Variants in PPFIBP2 observed in about 807,000 individuals in gnomAD.
PPFIBP2 encodes the protein PPFIB scaffold protein 2, also known as liprin-beta-2.
PPFIBP2 carries 118 observed loss-of-function variants against 118.3 expected under a neutral mutation model. That is an observed-to-expected ratio of 1.00 (90% confidence interval 0.86 to 1.16). PPFIBP2 has a LOEUF of 1.16. Ranked by LOEUF, PPFIBP2 falls within the 50% of genes most tolerant of loss-of-function variation. PPFIBP2 has a pLI of 0.00. For missense variants in PPFIBP2, 1,195 were observed against 1,073.1 expected (o/e 1.11, Z -1.59); for synonymous variants, 414 against 397.4 (o/e 1.04, Z -0.50).
intron 1 of PPFIBP2, among the ~76,000 whole-genome samples, chr11:7,519,028 T>G (rs577075077): frequency 1.3e-5 from 2 of 151,978 alleles, no homozygotes; most frequent in South Asian, 4.2e-4. Flanking sequence ...GGAAGGAGAA[T>G]GAGTACAGGC....
At chr11:7,584,648 T>C (rs1436536347) in intron 3 of PPFIBP2, among the ~76,000 whole-genome samples, 1 of 152,220 alleles carries the variant, frequency 6.6e-6, no homozygotes, top group Admixed American at 6.5e-5. Context: ...AGAACCTGCC[T>C]ACACTCATAC....
intron 3 of PPFIBP2, among the ~76,000 whole-genome samples, chr11:7,574,758 T>C (rs980955197): frequency 1.3e-5 from 2 of 152,072 alleles, no homozygotes; most frequent in African/African-American, 4.8e-5. Flanking sequence ...AGCTTCTGAA[T>C]CCATCCCATT....
intron 4 of PPFIBP2, among the ~76,000 whole-genome samples, chr11:7,593,998 C>T (rs1342539979): frequency 6.6e-6 from 1 of 152,174 alleles, no homozygotes; most frequent in African/African-American, 2.4e-5. Context: ...ATCCTAATCC[C>T]AGCTCCTTAA....
chr11:7,556,773 T>C (rs1590225957), intron 2 of PPFIBP2, among the ~76,000 whole-genome samples: 1 of 152,240 alleles, frequency 6.6e-6, no homozygotes, highest in Non-Finnish European at 1.5e-5. Flanking sequence ...TGTAGGTTGG[T>C]CACTATCCAT....
chr11:7,523,565 C>G (rs1466840233), intron 1 of PPFIBP2, among the ~76,000 whole-genome samples: 2 of 152,116 alleles, frequency 1.3e-5, no homozygotes, highest in African/African-American at 4.8e-5. Flanking sequence ...AGCCTGCTCA[C>G]CCATGGTAAA....
rs1190723072 is a variant in PPFIBP2 at position 7,653,361 on chromosome 11, T to C, written c.*143T>C. ...ATTGTGTACCCCTGGGCCAGTCTCT[T>C]TGAACCCTGAGGGTGGCCAGGATCT... On this transcript the variant is annotated 3_prime_UTR_variant, in exon 24 of 24. Transcript: ENST00000299492. The C allele has an allele frequency of 1.3e-6, 2 of 1,487,006 alleles. No homozygotes were observed. The highest frequency in any genetic ancestry group is 2.2e-5 in the Admixed American group (1 of 46,178). 92.1% of individuals were successfully genotyped at this position (1,487,006 alleles called of 1,614,324 possible).
At position 7,628,358 on chromosome 11, in the gene PPFIBP2, A is replaced by T. The variant is rs370631871; in HGVS notation, c.888+12A>T. ...CCAATGAAGATAAGGTAAGATGGTC[A>T]TTGGGTAGCCCTGTCTTTTCCATGC... On this transcript the variant is annotated intron_variant, in intron 9 of 23. Coordinates refer to ENST00000299492, the MANE Select transcript of PPFIBP2 (RefSeq NM_003621.5). 2.3e-4 allele frequency: 375 copies of T among 1,612,922 alleles called. No homozygotes were observed. The highest frequency in any genetic ancestry group is 3.0e-4 in the Non-Finnish European group (356 of 1,179,136).
At position 7,645,228 on chromosome 11, in the gene PPFIBP2, G is replaced by A. The variant is rs74980338; in HGVS notation, c.1646+2802G>A. 6.3e-3 allele frequency among the ~76,000 whole-genome samples: 963 copies of A among 152,060 alleles called. 14 individuals are homozygous for A. The highest frequency in any genetic ancestry group is 0.022 in the African/African-American group (915 of 41,450). On this transcript the variant is annotated intron_variant, in intron 17 of 23. Coordinates refer to ENST00000299492, the MANE Select transcript of PPFIBP2 (RefSeq NM_003621.5). ...ATCCATGTAGTTTGGGTTTAGGGGG[G>A]TATGTGTGTGCATGTGGTTTGCAGT...
intron 2 of PPFIBP2, among the ~76,000 whole-genome samples, chr11:7,550,669 T>C (rs1457129089): frequency 6.6e-6 from 1 of 152,186 alleles, no homozygotes; most frequent in Non-Finnish European, 1.5e-5. Flanking sequence ...GTCAACTTGA[T>C]TGAATTGAAG....
rs1251635176 is a variant in PPFIBP2 at position 7,653,652 on chromosome 11, G to C, written c.*434G>C. The C allele has an allele frequency of 7.7e-7, 1 of 1,292,402 alleles. No individual in the cohort carries two copies. Among genetic ancestry groups the C allele is most frequent in the South Asian group, 1.2e-5 (1 of 80,992 alleles). 80.1% of individuals were successfully genotyped at this position (1,292,402 alleles called of 1,614,324 possible). On this transcript the variant is annotated 3_prime_UTR_variant, in exon 24 of 24. Transcript: ENST00000299492. ...CCACAGTCTTGGCTGAGATCAAAGG[G>C]ATGAGCAACAGGGACTTCTGCCACA... is the stretch of plus-strand genomic sequence containing the variant.
intron 2 of PPFIBP2, among the ~76,000 whole-genome samples, chr11:7,554,786 G>GACTAT (rs141764546): frequency 0.37 from 42,367 of 113,330 alleles, 6,371 homozygotes; most frequent in African/African-American, 0.58. Flanking sequence ...AATCCCAGGT[G>GACTAT]ACTAGACTAG....
intron 14 of PPFIBP2, 122 bp downstream of exon 14, chr11:7,635,715 A>G: frequency 9.9e-7 from 1 of 1,011,724 alleles, no homozygotes; most frequent in South Asian, 1.4e-5. Flanking sequence ...AGAGGGCAAG[A>G]GGAAAGACGC....
At chr11:7,524,952 A>C (rs1450002500) in intron 1 of PPFIBP2, among the ~76,000 whole-genome samples, 3 of 152,170 alleles carry the variant, frequency 2.0e-5, no homozygotes, top group African/African-American at 7.2e-5. Flanking sequence ...TGGTTCTTGG[A>C]TGCATGTGCT....
chr11:7,547,155 T>G (rs576134544), intron 1 of PPFIBP2, among the ~76,000 whole-genome samples: 1 of 152,326 alleles, frequency 6.6e-6, no homozygotes, highest in Non-Finnish European at 1.5e-5. Flanking sequence ...AAGGGGCTGC[T>G]TTACGTGGTG....
At chr11:7,656,706 C>A, downstream of PPFIBP2, 1 of 1,289,746 alleles carries the variant, frequency 7.8e-7, no homozygotes, top group Non-Finnish European at 1.0e-6. Flanking sequence ...TAAACTGACC[C>A]TTCGGCTGTG....
At chr11:7,574,919 A>C (rs943171841) in intron 3 of PPFIBP2, among the ~76,000 whole-genome samples, 3 of 152,176 alleles carry the variant, frequency 2.0e-5, no homozygotes, top group Non-Finnish European at 2.9e-5. Flanking sequence ...CTACTTGAGA[A>C]TGCCATAAAA....
chr11:7,565,704 C>A lies in PPFIBP2; in HGVS notation c.216C>A (p.Ala72=). The part of the protein sequence containing the change: ...EMLELPQERA[A]LLSQIPGPTA... ...TGGAGCTTCCTCAGGAGAGAGCAGC[C>A]CTCCTGAGCCAGATCCCTGGCCCAA... The change falls in exon 3 of 24, where the codon GCC becomes GCA. Residue 72 remains alanine, a synonymous_variant. Coordinates refer to ENST00000299492, the MANE Select transcript of PPFIBP2 (RefSeq NM_003621.5). 1 of 1,614,150 alleles carries A rather than the reference C, an allele frequency of 6.2e-7. No individual in the cohort carries two copies.
chr11:7,549,357 T>C (rs1852688786), intron 1 of PPFIBP2, 83 bp from the exon 2 acceptor site: 2 of 1,213,454 alleles, frequency 1.6e-6, no homozygotes, highest in African/African-American at 3.1e-5. Context: ...TGTGTGATGA[T>C]GGAATGAAAG....
At chr11:7,546,758 A>G (rs11041437) in intron 1 of PPFIBP2, among the ~76,000 whole-genome samples, 20,156 of 152,270 alleles carry the variant, frequency 0.13, 1,512 homozygotes, top group African/African-American at 0.2. Context: ...TTTCCTGTGC[A>G]CCACACTCTC....
Sources: allele counts gnomAD v4.1 joint callset (sites outside exome capture counted in the v4.1 genomes callset), GRCh38; gene constraint gnomAD v4.1.1; transcripts MANE v1.5; gene names NCBI Gene and HGNC (gene_info 2026-07-23, HGNC 2026-07-21).